Variants in SOX5 observed in about 807,000 individuals in gnomAD.
The protein encoded by SOX5 is transcription factor SOX-5.
In SOX5, 9 loss-of-function variants were observed where a neutral mutation model predicts 92.0. The observed-to-expected ratio is 0.10, with a 90% CI of 0.06 to 0.17. The LOEUF (loss-of-function observed/expected upper bound fraction) is 0.17. SOX5 is among the 10% of genes least tolerant of loss of function. The pLI is 1.00. For missense variants in SOX5, 642 were observed against 944.5 expected, an observed-to-expected ratio of 0.68 and a Z score of 4.20; for synonymous variants, 344 against 336.3, an observed-to-expected ratio of 1.02 and a Z score of -0.25.
At chr12:23,781,100 G>A (rs1180148585) in intron 3 of SOX5, among the ~76,000 whole-genome samples, 1 of 151,930 alleles carries the variant, frequency 6.6e-6, no homozygotes, top group Non-Finnish European at 1.5e-5. Context: ...CATCCCAGAC[G>A]GTTAAATGTT....
In SOX5 at chr12:23,816,857, T is replaced by C. The variant is rs535250286; in HGVS notation, c.481+29126A>G. 9.9e-5 allele frequency among the ~76,000 whole-genome samples: 15 copies of C among 152,266 alleles called. No homozygotes were observed. The South Asian group carries it at 3.1e-3, about 32-fold the overall frequency. ...AATAAAACATATAGGATGGCACAAATACCACATCACACGCCACTGAGGCTC... is the reference window on the plus strand; with the variant it reads ...AATAAAACATATAGGATGGCACAAACACCACATCACACGCCACTGAGGCTC... On this transcript the variant is annotated intron_variant, in intron 3 of 14. Transcript: ENST00000451604.
At chr12:24,202,957 C>T (rs559199762) in intron 4 of SOX5, among the ~76,000 whole-genome samples, 1 of 151,994 alleles carries the variant, frequency 6.6e-6, no homozygotes, top group South Asian at 2.1e-4. Flanking sequence ...TGTAAATATC[C>T]TATTTATCAT....
chr12:24,145,911 T>C (rs1052441378), intron 4 of SOX5, among the ~76,000 whole-genome samples: 1 of 152,186 alleles, frequency 6.6e-6, no homozygotes, highest in African/African-American at 2.4e-5. Flanking sequence ...TTCATAATAA[T>C]GAAGAGGTCA....
At chr12:23,622,458 C>A (rs1358000369) in intron 8 of SOX5, among the ~76,000 whole-genome samples, 2 of 152,084 alleles carry the variant, frequency 1.3e-5, no homozygotes, top group Non-Finnish European at 2.9e-5. Flanking sequence ...TCCTACACTT[C>A]AATGGTTGGT....
intron 4 of SOX5, among the ~76,000 whole-genome samples, chr12:23,967,570 T>C (rs896683998): frequency 2.0e-5 from 3 of 152,062 alleles, no homozygotes; most frequent in Non-Finnish European, 4.4e-5. Context: ...AAAACAATAA[T>C]TTTAAAATAT....
At chr12:24,089,606 G>C (rs768774864) in intron 4 of SOX5, among the ~76,000 whole-genome samples, 19 of 152,082 alleles carry the variant, frequency 1.2e-4, no homozygotes, top group Non-Finnish European at 2.6e-4. Flanking sequence ...TTTGATAAAT[G>C]TGGGAAATTG....
intron 9 of SOX5, among the ~76,000 whole-genome samples, chr12:23,599,993 T>C (rs756604997): frequency 6.6e-6 from 1 of 152,182 alleles, no homozygotes; most frequent in Non-Finnish European, 1.5e-5. Context: ...TGAAAGTTGC[T>C]GAATACATTG....
intron 4 of SOX5, among the ~76,000 whole-genome samples, chr12:23,748,258 C>T (rs1032738451): frequency 1.3e-5 from 2 of 151,916 alleles, no homozygotes; most frequent in African/African-American, 4.8e-5. Flanking sequence ...TACCTAACAA[C>T]ATAGTGGATA....
At chr12:23,744,963 C>T (rs1271488665) in intron 4 of SOX5, among the ~76,000 whole-genome samples, 1 of 152,152 alleles carries the variant, frequency 6.6e-6, no homozygotes, top group Admixed American at 6.6e-5. Flanking sequence ...TCTGTACATA[C>T]CCATGTCCAA....
At chr12:24,536,419 C>A (rs1282381943) in intron 1 of SOX5, among the ~76,000 whole-genome samples, 2 of 152,156 alleles carry the variant, frequency 1.3e-5, no homozygotes, top group Non-Finnish European at 2.9e-5. Context: ...GCGCTCCTTG[C>A]AAAGACTTGT....
intron 3 of SOX5, among the ~76,000 whole-genome samples, chr12:23,761,134 C>T (rs1035477772): frequency 2.6e-5 from 4 of 152,040 alleles, no homozygotes; most frequent in Non-Finnish European, 5.9e-5. Flanking sequence ...CCAATATCTC[C>T]TTCAAAGTAA....
intron 3 of SOX5, among the ~76,000 whole-genome samples, chr12:23,783,649 G>T (rs552217189): frequency 1.3e-5 from 2 of 152,216 alleles, no homozygotes; most frequent in Non-Finnish European, 2.9e-5. Context: ...AAAGGAAGGT[G>T]TTAATTCATA....
intron 4 of SOX5, among the ~76,000 whole-genome samples, chr12:24,029,818 A>T (rs1007981207): frequency 5.3e-5 from 8 of 152,056 alleles, no homozygotes; most frequent in Non-Finnish European, 1.2e-4. Flanking sequence ...TGTTTTTAAT[A>T]GGAGGACAAC....
chr12:24,473,114 A>G (rs1304956433), intron 1 of SOX5, among the ~76,000 whole-genome samples: 2 of 152,148 alleles, frequency 1.3e-5, no homozygotes, highest in Non-Finnish European at 2.9e-5. Flanking sequence ...CCAAGCAGAG[A>G]GAGAGCTTTC....
At chr12:23,959,798 T>A (rs1469911407) in intron 4 of SOX5, among the ~76,000 whole-genome samples, 1 of 152,212 alleles carries the variant, frequency 6.6e-6, no homozygotes, top group Non-Finnish European at 1.5e-5. Context: ...ACATCTTCCA[T>A]TATAATGAAA....
chr12:23,845,153 T>C (rs928667808), intron 3 of SOX5, among the ~76,000 whole-genome samples: 1 of 152,190 alleles, frequency 6.6e-6, no homozygotes, highest in Non-Finnish European at 1.5e-5. Context: ...ATACACGCAG[T>C]GTATTTTTGT....
chr12:24,312,228 C>CT (rs1009618285), intron 2 of SOX5, among the ~76,000 whole-genome samples: 1 of 152,156 alleles, frequency 6.6e-6, no homozygotes, highest in African/African-American at 2.4e-5. Context: ...TTAATCTAAA[C>CT]TTTTTTTGTA....
At chr12:24,219,920 T>C (rs903283528) in intron 3 of SOX5, among the ~76,000 whole-genome samples, 2 of 152,152 alleles carry the variant, frequency 1.3e-5, no homozygotes, top group Admixed American at 6.6e-5. Flanking sequence ...AGATGTAAGC[T>C]TGAGTTCAGG....
At chr12:24,320,880 T>TA (rs1950159716) in intron 2 of SOX5, among the ~76,000 whole-genome samples, 2 of 144,728 alleles carry the variant, frequency 1.4e-5, no homozygotes, top group Admixed American at 6.8e-5. Flanking sequence ...AAAATAATAA[T>TA]AATAATAATA....
Sources: allele counts gnomAD v4.1 joint callset (sites outside exome capture counted in the v4.1 genomes callset), GRCh38; gene constraint gnomAD v4.1.1; transcripts MANE v1.5; gene names NCBI Gene and HGNC (gene_info 2026-07-23, HGNC 2026-07-21).